The following HIVEP3 variants were observed in gnomAD, a reference collection of about 807,000 sequenced individuals.
HIVEP3 encodes the protein HIVEP zinc finger 3.
In HIVEP3, 49 loss-of-function variants were observed where a neutral mutation model predicts 152.8. That is an observed-to-expected ratio of 0.32 (90% CI 0.26 to 0.41). The LOEUF (loss-of-function observed/expected upper bound fraction) is 0.41, where lower values mean the gene tolerates loss of function less well. Ranked by LOEUF, HIVEP3 falls within the 10% of genes least tolerant of loss-of-function variation. The pLI, the probability that HIVEP3 is intolerant of heterozygous loss-of-function variation, is 1.00. For synonymous variants in HIVEP3, 1,269 were observed against 1,289.0 expected (o/e 0.98, Z 0.33); for missense variants, 2,790 against 3,103.3 (o/e 0.90, Z 2.40).
chr1:41,627,373 G>A (rs1024680917), intron 3 of HIVEP3, among the ~76,000 whole-genome samples: 3 of 152,140 alleles, frequency 2.0e-5, no homozygotes, highest in Non-Finnish European at 4.4e-5. Flanking sequence ...GTCGGGGCTG[G>A]GATTTGAACT....
intron 5 of HIVEP3, among the ~76,000 whole-genome samples, chr1:41,570,376 GT>G (rs1644234716): frequency 6.6e-6 from 1 of 152,186 alleles, no homozygotes; most frequent in Non-Finnish European, 1.5e-5. Flanking sequence ...CATGGGGGCA[GT>G]TTCCCCTATA....
chr1:41,906,795 CCTTT>C (rs1365420922), intron 1 of HIVEP3, among the ~76,000 whole-genome samples: 3 of 151,682 alleles, frequency 2.0e-5, no homozygotes, highest in African/African-American at 7.3e-5. Context: ...CGTTCTGCTT[CCTTT>C]GTTTTTTGTT....
chr1:41,524,871 G>A lies in HIVEP3; in HGVS notation c.5247C>T (p.Arg1749=), dbSNP rs769265995. The A allele has an allele frequency of 5.0e-6, 8 of 1,614,124 alleles. No homozygotes were observed. The highest frequency in any genetic ancestry group is 1.7e-4 in the Middle Eastern group (1 of 6,056). ...SNEEYVYVRG[R]GRGKYVCEEC... is the part of the protein sequence containing the mutation. ...CCTCACAAACATATTTCCCTCGGCC[G>A]CGGCCTCGCACATATACATACTCTT... Residue 1749 remains arginine (R), a synonymous_variant, in exon 6 of 9, where the codon CGC becomes CGT. Coordinates refer to ENST00000372583, the MANE Select transcript of HIVEP3 (RefSeq NM_024503.5).
chr1:41,921,650 AG>A (rs1644942302), upstream of HIVEP3, among the ~76,000 whole-genome samples: 1 of 152,206 alleles, frequency 6.6e-6, no homozygotes, highest in African/African-American at 2.4e-5. Context: ...GTAACTGTAC[AG>A]GTTTCCAGAA....
intron 1 of HIVEP3, among the ~76,000 whole-genome samples, chr1:41,704,699 G>A (rs1346085401): frequency 1.3e-5 from 2 of 152,208 alleles, no homozygotes; most frequent in Non-Finnish European, 2.9e-5. Flanking sequence ...ATGAGACCCT[G>A]GGCAAACCAT....
chr1:42,001,815 C>T (rs12071436), intron 1 of HIVEP3, among the ~76,000 whole-genome samples: 2,163 of 152,246 alleles, frequency 0.014, 50 homozygotes, highest in African/African-American at 0.05. Context: ...CTGCCTAAGT[C>T]TCCGGGGTAT....
chr1:41,679,021 AC>A (rs1645998637), intron 2 of HIVEP3, among the ~76,000 whole-genome samples: 1 of 152,174 alleles, frequency 6.6e-6, no homozygotes, highest in Non-Finnish European at 1.5e-5. Flanking sequence ...CCAGTACAGG[AC>A]CCATGGCCCA....
intron 1 of HIVEP3, among the ~76,000 whole-genome samples, chr1:41,800,567 C>T (rs750514624): frequency 6.6e-6 from 1 of 152,216 alleles, no homozygotes; most frequent in Non-Finnish European, 1.5e-5. Context: ...CAGAGAACCA[C>T]CCAGCCAGAA....
intron 1 of HIVEP3, among the ~76,000 whole-genome samples, chr1:42,032,735 G>C (rs1359988141): frequency 1.3e-5 from 2 of 151,954 alleles, no homozygotes; most frequent in Non-Finnish European, 2.9e-5. Context: ...CAGGGATTTT[G>C]CCTTCCAGGG....
intron 1 of HIVEP3, among the ~76,000 whole-genome samples, chr1:41,904,044 G>A (rs577322634): frequency 6.6e-6 from 1 of 152,030 alleles, no homozygotes; most frequent in South Asian, 2.1e-4. Context: ...TTACAGGCAT[G>A]TGCCACCATG....
At chr1:41,605,389 A>G (rs1420421419) in intron 3 of HIVEP3, among the ~76,000 whole-genome samples, 1 of 151,840 alleles carries the variant, frequency 6.6e-6, no homozygotes, top group Non-Finnish European at 1.5e-5. Flanking sequence ...ACACACACAC[A>G]CACACACACA....
intron 2 of HIVEP3, among the ~76,000 whole-genome samples, chr1:41,635,450 GA>G (rs1645253754): frequency 6.7e-6 from 1 of 148,842 alleles, no homozygotes; most frequent in Admixed American, 6.7e-5. Context: ...AAAATAAAAC[GA>G]GTGAGAAAAT....
At chr1:41,700,424 C>T (rs1646344117) in intron 2 of HIVEP3, among the ~76,000 whole-genome samples, 1 of 152,184 alleles carries the variant, frequency 6.6e-6, no homozygotes, top group Non-Finnish European at 1.5e-5. Context: ...ACACACAGCT[C>T]AGTCCAGGAT....
chr1:41,996,546 T>C (rs868815044), intron 1 of HIVEP3, among the ~76,000 whole-genome samples: 3 of 152,100 alleles, frequency 2.0e-5, no homozygotes, highest in Middle Eastern at 6.3e-3. Flanking sequence ...AGAGCACCCA[T>C]GCACAGTTTG....
At chr1:41,776,927 T>C (rs1347464831) in intron 1 of HIVEP3, among the ~76,000 whole-genome samples, 1 of 152,194 alleles carries the variant, frequency 6.6e-6, no homozygotes, top group Non-Finnish European at 1.5e-5. Context: ...TGAGCTCCCA[T>C]GACAGCTCTG....
intron 1 of HIVEP3, among the ~76,000 whole-genome samples, chr1:41,720,201 C>T (rs1425968485): frequency 1.3e-5 from 2 of 152,206 alleles, no homozygotes; most frequent in Non-Finnish European, 2.9e-5. Flanking sequence ...CCATAATTGG[C>T]ATGCTAAACC....
chr1:41,747,730 T>C (rs143122191), intron 1 of HIVEP3, among the ~76,000 whole-genome samples: 50 of 152,358 alleles, frequency 3.3e-4, no homozygotes, highest in Admixed American at 5.9e-4. Context: ...AATAGCTGCA[T>C]AGTATTGTGT....
chr1:41,693,547 A>G (rs1646228098), intron 2 of HIVEP3, among the ~76,000 whole-genome samples: 1 of 152,158 alleles, frequency 6.6e-6, no homozygotes. Context: ...CTCTTTGGGT[A>G]TTAGTGCTGC....
intron 1 of HIVEP3, among the ~76,000 whole-genome samples, chr1:41,928,060 C>CAAAAAA (rs10660316): frequency 4.6e-5 from 4 of 86,314 alleles, no homozygotes; most frequent in African/African-American, 8.7e-5. Flanking sequence ...GACTCCATCT[C>CAAAAAA]AAAAAAAAAA....
Sources: gnomAD v4.1 joint callset for allele counts (sites outside exome capture counted in the v4.1 genomes callset) on GRCh38, gnomAD v4.1.1 for gene constraint, MANE v1.5 for transcripts, NCBI Gene and HGNC (gene_info 2026-07-23, HGNC 2026-07-21) for gene names.